Variants in SPARCL1 observed in about 807,000 individuals in gnomAD.
SPARCL1 encodes the protein SPARC-like protein 1.
Under a neutral mutation model 67.1 loss-of-function variants are expected in SPARCL1, and 52 were observed. That is an observed-to-expected ratio of 0.78 (90% CI 0.62 to 0.98). The LOEUF is 0.98. Ranked by LOEUF, SPARCL1 falls within the 50% of genes least tolerant of loss-of-function variation. The pLI is 0.00. For missense variants in SPARCL1, 717 were observed against 782.4 expected (o/e 0.92, Z 1.00); for synonymous variants, 226 against 267.8 (o/e 0.84, Z 1.52).
intron 10 of SPARCL1, among the ~76,000 whole-genome samples, chr4:87,474,804 G>A (rs569820730): frequency 6.8e-6 from 1 of 146,070 alleles, no homozygotes; most frequent in Non-Finnish European, 1.5e-5. Flanking sequence ...CTGAAGTGGC[G>A]CAGTCTCGGC....
At chr4:87,484,338 G>A (rs903379781) in intron 7 of SPARCL1, among the ~76,000 whole-genome samples, 2 of 138,056 alleles carry the variant, frequency 1.4e-5, no homozygotes, top group South Asian at 2.1e-4. Context: ...ATTAAATAAG[G>A]AATCCTTTCC....
intron 7 of SPARCL1, among the ~76,000 whole-genome samples, chr4:87,487,498 C>T (rs377724688): frequency 5.3e-5 from 8 of 152,210 alleles, no homozygotes; most frequent in East Asian, 1.9e-4. Flanking sequence ...GTGGGTATTC[C>T]GACCTTTCTG....
At chr4:87,479,020 G>C (rs1222226972) in intron 10 of SPARCL1, among the ~76,000 whole-genome samples, 2 of 152,132 alleles carry the variant, frequency 1.3e-5, no homozygotes, top group African/African-American at 4.8e-5. Flanking sequence ...GAGATGTTCT[G>C]ACATCTCCCA....
rs188452031 is a variant in SPARCL1, at chr4:87,481,363, T to C, written c.1669-843A>G. On this transcript the variant is annotated intron_variant, in intron 8 of 10. Transcript: ENST00000282470. ...GCAAACATCCTCTACCATCTCCCACTGCTAGGTGGGACTCTTGTACTCACT... is the reference window on the plus strand; with the variant it reads ...GCAAACATCCTCTACCATCTCCCACCGCTAGGTGGGACTCTTGTACTCACT... 1.2e-4 allele frequency among the ~76,000 whole-genome samples: 18 copies of C among 152,302 alleles called. No individual in the cohort carries two copies. In the East Asian group the frequency reaches 3.3e-3, roughly 28 times the overall value.
chr4:87,526,347 G>GTT (rs1726041784), intron 1 of SPARCL1, among the ~76,000 whole-genome samples: 1 of 152,058 alleles, frequency 6.6e-6, no homozygotes, highest in African/African-American at 2.4e-5. Flanking sequence ...GATCTCCATT[G>GTT]TTACTACCAG....
chr4:87,505,507 C>T (rs1328615510), intron 1 of SPARCL1, among the ~76,000 whole-genome samples: 1 of 151,898 alleles, frequency 6.6e-6, no homozygotes. Flanking sequence ...ATTTATTCCA[C>T]AAATATTTAT....
chr4:87,500,650 T>C (rs1724804011), intron 1 of SPARCL1, among the ~76,000 whole-genome samples: 1 of 152,188 alleles, frequency 6.6e-6, no homozygotes. Flanking sequence ...TTGAGGTTTA[T>C]AAAGAAACTG....
At chr4:87,496,047 CAAGA>C (rs1333196927) in intron 2 of SPARCL1, among the ~76,000 whole-genome samples, 3 of 152,070 alleles carry the variant, frequency 2.0e-5, no homozygotes, top group Non-Finnish European at 4.4e-5. Flanking sequence ...CTATTTCTAG[CAAGA>C]TTGGAGACTT....
At chr4:87,523,202 A>G (rs7678193) in intron 1 of SPARCL1, among the ~76,000 whole-genome samples, 58,912 of 151,294 alleles carry the variant, frequency 0.39, 13,181 homozygotes, top group East Asian at 0.59. Flanking sequence ...TAGAGGTTGC[A>G]GGGACCCAAG....
At chr4:87,525,075 A>G (rs548999675) in intron 1 of SPARCL1, among the ~76,000 whole-genome samples, 5 of 151,976 alleles carry the variant, frequency 3.3e-5, no homozygotes, top group African/African-American at 1.2e-4. Flanking sequence ...AGGCACAAGA[A>G]TCACTTGAAC....
Position 87,494,537 on chromosome 4 carries a change from C to A in SPARCL1, c.263G>T (p.Gly88Val). 2 of 1,614,050 alleles carry A rather than the reference C, an allele frequency of 1.2e-6. No homozygotes were observed. Among genetic ancestry groups the A allele is most frequent in the Non-Finnish European group, 1.7e-6 (2 of 1,180,008 alleles). The part of the protein sequence containing the change: ...EESHEQSAEQ[G>V]KSSSQELGLK... ...TCCCAGCTCTTGGCTAGAACTCTTG[C>A]CCTGTTCTGCTGACTGTTCATGGCT... is the stretch of plus-strand genomic sequence containing the variant. Residue 88 changes from glycine (G) to valine (V), a missense_variant, in exon 4 of 11, where the codon GGC (glycine) becomes GTC (valine). By Grantham distance (109) the Gly-to-Val change is moderately radical. Coordinates refer to ENST00000282470, the MANE Select transcript of SPARCL1 (RefSeq NM_004684.6).
intron 1 of SPARCL1, among the ~76,000 whole-genome samples, chr4:87,508,833 T>C (rs1293359870): frequency 2.0e-5 from 3 of 148,470 alleles, no homozygotes; most frequent in African/African-American, 2.5e-5. Context: ...CATATATGTA[T>C]GTAATGTAGA....
At position 87,474,891 on chromosome 4, in the gene SPARCL1, C is replaced by T. The variant is rs573972624; in HGVS notation, c.1967-1088G>A. 5.8e-4 allele frequency among the ~76,000 whole-genome samples: 88 copies of T among 151,876 alleles called. 4 individuals carry two copies. In the South Asian group the frequency reaches 0.015, roughly 27 times the overall value. ...CCGAGTGGCTGGGACTACAGGCGCC[C>T]GCCACCACGCCCGGCTAATTTTTTG... On this transcript the variant is annotated intron_variant, in intron 10 of 10. Coordinates refer to ENST00000282470, the MANE Select transcript of SPARCL1 (RefSeq NM_004684.6).
At chr4:87,476,100 A>G (rs1019962837) in intron 10 of SPARCL1, among the ~76,000 whole-genome samples, 3 of 152,096 alleles carry the variant, frequency 2.0e-5, no homozygotes, top group Non-Finnish European at 4.4e-5. Flanking sequence ...ATACTTTACA[A>G]TTCAACGTAT....
At chr4:87,498,107 A>G (rs1560821091) in intron 2 of SPARCL1, among the ~76,000 whole-genome samples, 1 of 152,176 alleles carries the variant, frequency 6.6e-6, no homozygotes, top group African/African-American at 2.4e-5. Context: ...AGCCACAAGG[A>G]CAAAGCACAT....
chr4:87,483,968 G>A (rs994605721), intron 7 of SPARCL1, among the ~76,000 whole-genome samples: 2 of 152,048 alleles, frequency 1.3e-5, no homozygotes, highest in African/African-American at 4.8e-5. Context: ...GTTCCTTGTA[G>A]ATTCTGGGTA....
intron 10 of SPARCL1, among the ~76,000 whole-genome samples, chr4:87,474,909 A>G (rs1183150043): frequency 1.3e-5 from 2 of 150,650 alleles, no homozygotes; most frequent in Admixed American, 6.6e-5. Flanking sequence ...CGCCCGGCTA[A>G]TTTTTTGTAT....
Position 87,479,471 on chromosome 4 carries a change from A to T in SPARCL1, c.1925T>A (p.Ile642Asn), listed in dbSNP as rs1317416947. 4.3e-6 allele frequency: 7 copies of T among 1,613,886 alleles called. No individual in the cohort carries two copies. The highest frequency in any genetic ancestry group is 5.9e-6 in the Non-Finnish European group (7 of 1,180,028). Reference sequence around the variant, plus strand: ...GCAGTGGCCCCACTCCTTCAGGGTGATGTGCTTATCCTTGTTGGGGTCACA... The same window carrying T: ...GCAGTGGCCCCACTCCTTCAGGGTGTTGTGCTTATCCTTGTTGGGGTCACA... Reference protein sequence around the residue: ...EECDPNKDKHITLKEWGHCFG... With the variant: ...EECDPNKDKHNTLKEWGHCFG... Residue 642 changes from isoleucine to asparagine, a missense_variant, in exon 10 of 11, where the codon ATC becomes AAC. Ile to Asn is a moderately radical substitution (Grantham distance 149). Coordinates refer to ENST00000282470, the MANE Select transcript of SPARCL1 (RefSeq NM_004684.6).
intron 7 of SPARCL1, among the ~76,000 whole-genome samples, chr4:87,483,713 C>T (rs1319563812): frequency 7.9e-5 from 12 of 152,162 alleles, no homozygotes; most frequent in African/African-American, 2.4e-4. Context: ...AATATGAAAG[C>T]GTTCCTATTT....
Sources: gnomAD v4.1 joint callset for allele counts (sites outside exome capture counted in the v4.1 genomes callset) on GRCh38, gnomAD v4.1.1 for gene constraint, MANE v1.5 for transcripts, NCBI Gene and HGNC (gene_info 2026-07-23, HGNC 2026-07-21) for gene names.